NEDD4: variants seen among roughly 807,000 people sequenced by gnomAD.
NEDD4 encodes E3 ubiquitin-protein ligase NEDD4.
In NEDD4, 99 loss-of-function variants were observed where a neutral mutation model predicts 144.9. That is an observed-to-expected ratio of 0.68 (90% CI 0.58 to 0.81). The LOEUF (loss-of-function observed/expected upper bound fraction) is 0.81. Among genes scored for constraint, NEDD4 ranks in the 30% least tolerant of loss-of-function variants. NEDD4 has a pLI of 0.00. For synonymous variants in NEDD4, 318 were observed against 350.6 expected (o/e 0.91, Z 1.04); for missense variants, 985 against 1,065.9 (o/e 0.92, Z 1.06).
At chr15:55,933,529 T>G (rs917407590) in intron 4 of NEDD4, among the ~76,000 whole-genome samples, 5 of 51,458 alleles carry the variant, frequency 9.7e-5, no homozygotes, top group Admixed American at 3.0e-4. Context: ...GGGCCTGTCG[T>G]GGGGTGGGGG....
intron 17 of NEDD4, among the ~76,000 whole-genome samples, chr15:55,847,762 C>T (rs375108649): frequency 2.9e-4 from 44 of 151,430 alleles, no homozygotes; most frequent in East Asian, 5.8e-4. Flanking sequence ...CCACAACCTC[C>T]GCCTCCTGGG....
At chr15:55,888,428 C>G (rs2142112392) in intron 5 of NEDD4, among the ~76,000 whole-genome samples, 1 of 151,996 alleles carries the variant, frequency 6.6e-6, no homozygotes, top group Middle Eastern at 3.4e-3. Context: ...CGTGAAATAT[C>G]TCTATCAAAC....
chr15:55,892,266 CAATA>C (rs138951402), intron 5 of NEDD4, among the ~76,000 whole-genome samples: 2,450 of 138,094 alleles, frequency 0.018, 37 homozygotes, highest in East Asian at 0.032. Context: ...AACTCCAACT[CAATA>C]AATAAATAAA....
intron 5 of NEDD4, among the ~76,000 whole-genome samples, chr15:55,883,695 AAACACAC>A (rs1566931359): frequency 2.3e-3 from 283 of 122,336 alleles, no homozygotes; most frequent in African/African-American, 5.2e-3. Context: ...ACACACACAC[AAACACAC>A]ACACACACAC....
intron 5 of NEDD4, among the ~76,000 whole-genome samples, chr15:55,879,849 G>T (rs1187459814): frequency 6.6e-6 from 1 of 152,076 alleles, no homozygotes; most frequent in Non-Finnish European, 1.5e-5. Context: ...TACACTATAG[G>T]ATTCTTCAAA....
intron 9 of NEDD4, among the ~76,000 whole-genome samples, 157 bp downstream of exon 9, chr15:55,862,756 G>C (rs893273231): frequency 2.0e-5 from 3 of 152,136 alleles, no homozygotes; most frequent in Non-Finnish European, 4.4e-5. Context: ...AAACAGCAGA[G>C]TTAGGATTTT....
chr15:55,840,375 G>T, intron 21 of NEDD4, 72 bp downstream of exon 21: 1 of 1,352,898 alleles, frequency 7.4e-7, no homozygotes, highest in Non-Finnish European at 1.0e-6. Context: ...GTCATTAAAA[G>T]CAAATTCTTC....
chr15:55,888,912 A>C lies in NEDD4; in HGVS notation c.292-14904T>G, dbSNP rs187050551. ...GGATATCCACATGCAAAAGAAACAA[A>C]CTAGACTCCTATTTCTCACCTTATA... On this transcript the variant is annotated intron_variant, in intron 5 of 28. Coordinates refer to ENST00000435532, the MANE Select transcript of NEDD4 (RefSeq NM_006154.4). Among the ~76,000 whole-genome samples the C allele has an allele frequency of 9.5e-4, 144 of 152,360 alleles. 2 individuals are homozygous for C. The highest frequency in any genetic ancestry group is 3.2e-3 in the African/African-American group (135 of 41,594).
intron 1 of NEDD4, among the ~76,000 whole-genome samples, chr15:55,972,420 CTGTT>C (rs1416366687): frequency 6.6e-6 from 1 of 151,938 alleles, no homozygotes; most frequent in Non-Finnish European, 1.5e-5. Flanking sequence ...TTCTCTTTTC[CTGTT>C]TGTTTTTGCA....
intron 21 of NEDD4, among the ~76,000 whole-genome samples, 192 bp from the exon 22 acceptor site, chr15:55,838,796 G>C (rs2033332955): frequency 2.0e-5 from 3 of 152,144 alleles, no homozygotes; most frequent in Non-Finnish European, 4.4e-5. Flanking sequence ...TGGATGACAG[G>C]TAAGGGCAAG....
At chr15:55,842,659 T>C (rs1374597211) in intron 18 of NEDD4, among the ~76,000 whole-genome samples, 1 of 152,232 alleles carries the variant, frequency 6.6e-6, no homozygotes, top group Non-Finnish European at 1.5e-5. Flanking sequence ...ATTACAGGCA[T>C]AAGCCATGGC....
intron 12 of NEDD4, among the ~76,000 whole-genome samples, chr15:55,853,089 A>G (rs924092095): frequency 1.3e-5 from 2 of 152,154 alleles, no homozygotes; most frequent in Non-Finnish European, 2.9e-5. Flanking sequence ...TCCTTTAAAA[A>G]ACACCACATC....
intron 5 of NEDD4, among the ~76,000 whole-genome samples, chr15:55,901,452 CCTT>C (rs2035912379): frequency 6.6e-6 from 1 of 152,114 alleles, no homozygotes; most frequent in Admixed American, 6.5e-5. Context: ...TTTTTGTTCT[CCTT>C]CAGTACATCC....
At chr15:55,924,846 T>A in intron 4 of NEDD4, 147 bp from the exon 5 acceptor site, 1 of 683,472 alleles carries the variant, frequency 1.5e-6, no homozygotes, top group Admixed American at 2.5e-5. Context: ...GGTGGGTGGA[T>A]CGCCTGATGT....
intron 5 of NEDD4, among the ~76,000 whole-genome samples, chr15:55,894,551 G>T (rs146152659): frequency 1.0e-3 from 155 of 152,166 alleles, no homozygotes; most frequent in Non-Finnish European, 1.4e-3. Flanking sequence ...ATCTTTAAAG[G>T]GGCTTTTACC....
chr15:55,890,581 T>C (rs1343387661), intron 5 of NEDD4, among the ~76,000 whole-genome samples: 9 of 152,218 alleles, frequency 5.9e-5, no homozygotes, highest in African/African-American at 2.2e-4. Flanking sequence ...CATTTTTCAG[T>C]TGATTGACAT....
At chr15:55,851,584 C>A (rs1005262743) in intron 13 of NEDD4, among the ~76,000 whole-genome samples, 28 of 151,990 alleles carry the variant, frequency 1.8e-4, no homozygotes, top group African/African-American at 6.8e-4. Flanking sequence ...TCAAGCGATT[C>A]TCCTGCCTCA....
chr15:55,913,813 A>T (rs1595837266), intron 5 of NEDD4, among the ~76,000 whole-genome samples: 1 of 152,172 alleles, frequency 6.6e-6, no homozygotes, highest in East Asian at 1.9e-4. Flanking sequence ...AAACTATTTT[A>T]AGGTATTTCT....
intron 5 of NEDD4, among the ~76,000 whole-genome samples, chr15:55,876,401 G>T: frequency 6.7e-6 from 1 of 148,960 alleles, no homozygotes; most frequent in Non-Finnish European, 1.5e-5. Context: ...ACAAATTGTT[G>T]TATACAAAAA....
Sources: gnomAD v4.1 joint callset for allele counts (sites outside exome capture counted in the v4.1 genomes callset) on GRCh38, gnomAD v4.1.1 for gene constraint, MANE v1.5 for transcripts, NCBI Gene and HGNC (gene_info 2026-07-23, HGNC 2026-07-21) for gene names.